PTGER3: variants seen among roughly 807,000 people sequenced by gnomAD.
PTGER3 encodes prostaglandin E receptor 3, also known as prostaglandin E2 receptor EP3 subtype.
Under a neutral mutation model 34.7 loss-of-function variants are expected in PTGER3, and 22 were observed. The ratio of observed to expected loss-of-function variants is 0.63; its 90% CI spans 0.45 to 0.91. PTGER3 has a LOEUF of 0.91. Ranked by LOEUF, PTGER3 falls within the 40% of genes least tolerant of loss-of-function variation. PTGER3 has a pLI of 0.00. For missense variants in PTGER3, 468 were observed against 519.4 expected, an observed-to-expected ratio of 0.90 and a Z score of 0.96; for synonymous variants, 241 against 230.1, an observed-to-expected ratio of 1.05 and a Z score of -0.43.
At chr1:70,878,258 T>C (rs1013770489) in intron 4 of PTGER3, among the ~76,000 whole-genome samples, 2 of 152,174 alleles carry the variant, frequency 1.3e-5, no homozygotes, top group Non-Finnish European at 2.9e-5. Context: ...TTTGTATGCA[T>C]AGAGGTGTTC....
chr1:70,878,973 G>A (rs1646329553), intron 4 of PTGER3, among the ~76,000 whole-genome samples: 1 of 152,146 alleles, frequency 6.6e-6, no homozygotes, highest in African/African-American at 2.4e-5. Context: ...TTCTGTAGAT[G>A]TCTGTTCAGT....
chr1:70,942,590 C>T (rs1649860219), intron 4 of PTGER3, among the ~76,000 whole-genome samples: 1 of 152,136 alleles, frequency 6.6e-6, no homozygotes, highest in Non-Finnish European at 1.5e-5. Context: ...AAGACTGGGT[C>T]AAGCAACACT....
At chr1:70,862,305 A>G in intron 4 of PTGER3, 1 of 1,348,674 alleles carries the variant, frequency 7.4e-7, no homozygotes, top group Admixed American at 1.9e-5. Context: ...CATGACTTAC[A>G]TCTGCTGTCA....
chr1:70,911,028 T>G (rs1056834440), intron 4 of PTGER3, among the ~76,000 whole-genome samples: 3 of 150,986 alleles, frequency 2.0e-5, no homozygotes, highest in Non-Finnish European at 4.4e-5. Context: ...TGCAGTAAGC[T>G]GAGATTGCGC....
chr1:70,993,962 G>A lies in PTGER3; in HGVS notation c.1077+18343C>T, dbSNP rs536772042. Among the ~76,000 whole-genome samples, 115 of 152,180 alleles carry A rather than the reference G, an allele frequency of 7.6e-4. 1 individual carries two copies. Among genetic ancestry groups the A allele is most frequent in the Non-Finnish European group, 1.4e-3 (93 of 68,036 alleles). ...AAGGCTCTTCGTTCTTGGAAGGAAA[G>A]TGTTTTTTCACTCTTTATCAGCCTC... On this transcript the variant is annotated intron_variant, in intron 2 of 3. Coordinates refer to ENST00000306666, the MANE Select transcript of PTGER3 (RefSeq NM_198719.2).
At chr1:70,857,606 G>A (rs1489582299) in intron 4 of PTGER3, among the ~76,000 whole-genome samples, 1 of 151,944 alleles carries the variant, frequency 6.6e-6, no homozygotes, top group Non-Finnish European at 1.5e-5. Context: ...CATGATCTCG[G>A]CTCCCTGCAA....
chr1:70,942,706 T>C (rs1399334683), intron 4 of PTGER3, among the ~76,000 whole-genome samples: 2 of 152,174 alleles, frequency 1.3e-5, no homozygotes, highest in African/African-American at 4.8e-5. Context: ...GTGACTGTAC[T>C]TGCAGACAGG....
intron 2 of PTGER3, among the ~76,000 whole-genome samples, chr1:70,989,461 C>T (rs1220513523): frequency 6.6e-6 from 1 of 152,020 alleles, no homozygotes; most frequent in African/African-American, 2.4e-5. Context: ...ATTTTCTCTA[C>T]CTTCTCACTT....
At chr1:70,993,129 T>C (rs550389698) in intron 2 of PTGER3, among the ~76,000 whole-genome samples, 2 of 152,318 alleles carry the variant, frequency 1.3e-5, no homozygotes, top group East Asian at 3.9e-4. Flanking sequence ...CCAGATATTC[T>C]CTTATGAACC....
chr1:71,032,987 T>A, intron 1 of PTGER3, among the ~76,000 whole-genome samples: 1 of 152,222 alleles, frequency 6.6e-6, no homozygotes, highest in East Asian at 1.9e-4. Context: ...TATTATTTTA[T>A]AAGCAAATTT....
rs780888730 is a variant in PTGER3 at position 70,861,925 on chromosome 1, C to A, written c.*24-9066G>T. On this transcript the variant is annotated intron_variant, in intron 4 of 4. Coordinates refer to the PTGER3 transcript ENST00000370931. ...AGCTTACTGTTTGGTCCCTTCCCTCCTTGGAGCTCAGGATAGACTAGGTCT... is the reference window on the plus strand; with the variant it reads ...AGCTTACTGTTTGGTCCCTTCCCTCATTGGAGCTCAGGATAGACTAGGTCT... 1.4e-4 allele frequency among the ~76,000 whole-genome samples: 21 copies of A among 151,632 alleles called. 1 individual carries two copies. Among genetic ancestry groups the A allele is most frequent in the Non-Finnish European group, 2.6e-4 (18 of 67,954 alleles).
chr1:70,928,536 G>C (rs1197088833), intron 4 of PTGER3, among the ~76,000 whole-genome samples: 1 of 152,088 alleles, frequency 6.6e-6, no homozygotes, highest in African/African-American at 2.4e-5. Context: ...AGGGGACTAA[G>C]GTTGGAGGAT....
chr1:70,938,779 T>A (rs1257382851), intron 4 of PTGER3, among the ~76,000 whole-genome samples: 1 of 152,146 alleles, frequency 6.6e-6, no homozygotes, highest in Admixed American at 6.5e-5. Flanking sequence ...CCAGCCCCCA[T>A]GATTCAATTA....
chr1:70,948,552 T>C (rs1206258673), downstream of PTGER3, among the ~76,000 whole-genome samples: 1 of 152,182 alleles, frequency 6.6e-6, no homozygotes, highest in Non-Finnish European at 1.5e-5. Context: ...TGAAAATGGC[T>C]GCATACCAAT....
chr1:70,939,965 C>T (rs1649603806), intron 4 of PTGER3, among the ~76,000 whole-genome samples: 1 of 152,208 alleles, frequency 6.6e-6, no homozygotes, highest in African/African-American at 2.4e-5. Context: ...ATGGATTTTT[C>T]TTTTCTATCA....
At chr1:70,891,261 A>G (rs1471185100) in intron 4 of PTGER3, among the ~76,000 whole-genome samples, 1 of 152,234 alleles carries the variant, frequency 6.6e-6, no homozygotes, top group Admixed American at 6.5e-5. Context: ...AGGATTGTTT[A>G]ATGAAAAAAT....
Position 71,012,395 on chromosome 1 carries a change from T to C in PTGER3, c.987A>G (p.Leu329=). 1 of 1,614,190 alleles carries C rather than the reference T, an allele frequency of 6.2e-7. No homozygotes were observed. Among genetic ancestry groups the C allele is most frequent in the Non-Finnish European group, 8.5e-7 (1 of 1,180,018 alleles). The change falls in exon 2 of 4, where the codon TTA becomes TTG. Residue 329 remains leucine (L), a synonymous_variant. Coordinates refer to ENST00000306666, the MANE Select transcript of PTGER3 (RefSeq NM_198719.2). ...TCAGTGAAGCCAGGCGAACAGCTAT[T>C]AAGAAGAAGTTGCATTCTTTCTGCT... is the stretch of plus-strand genomic sequence containing the variant. ...TEKQKECNFF[L]IAVRLASLNQ...
intron 2 of PTGER3, among the ~76,000 whole-genome samples, chr1:70,962,905 C>A (rs1652083807): frequency 6.6e-6 from 1 of 152,200 alleles, no homozygotes; most frequent in Non-Finnish European, 1.5e-5. Flanking sequence ...CAAAAGTCTG[C>A]AGTCCAAAGT....
intron 4 of PTGER3, among the ~76,000 whole-genome samples, chr1:70,941,363 C>T (rs1649745300): frequency 6.6e-6 from 1 of 152,050 alleles, no homozygotes; most frequent in Non-Finnish European, 1.5e-5. Flanking sequence ...TTTGTTTGGG[C>T]ATAAAATGAA....
Sources: allele counts gnomAD v4.1 joint callset (sites outside exome capture counted in the v4.1 genomes callset), GRCh38; gene constraint gnomAD v4.1.1; transcripts MANE v1.5; gene names NCBI Gene and HGNC (gene_info 2026-07-23, HGNC 2026-07-21).